The following ABAT variants were observed in gnomAD, a reference collection of about 807,000 sequenced individuals.
The protein encoded by ABAT is 4-aminobutyrate aminotransferase, mitochondrial.
Under a neutral mutation model 64.6 loss-of-function variants are expected in ABAT, and 45 were observed. That is an observed-to-expected ratio of 0.70 (90% CI 0.55 to 0.89). The LOEUF (loss-of-function observed/expected upper bound fraction) is 0.89, where lower values mean the gene tolerates loss of function less well. ABAT is among the 40% of genes least tolerant of loss of function. The probability of loss-of-function intolerance (pLI) is 0.00; values close to 1 mark genes in which losing one functional copy is unlikely to be tolerated. For synonymous variants in ABAT, 297 were observed against 250.5 expected (o/e 1.19, Z -1.75); for missense variants, 633 against 658.4 (o/e 0.96, Z 0.42).
At chr16:8,766,119 G>C (rs2059935043) in intron 8 of ABAT, 89 bp from the exon 9 acceptor site, 2 of 1,270,600 alleles carry the variant, frequency 1.6e-6, no homozygotes, top group Non-Finnish European at 2.3e-6. Flanking sequence ...CTTTCTACTT[G>C]TCTGGACTGA....
At chr16:8,735,836 C>G (rs754221172) in intron 2 of ABAT, 27 bp downstream of exon 2, 2 of 1,571,140 alleles carry the variant, frequency 1.3e-6, no homozygotes, top group African/African-American at 2.7e-5. Context: ...TTGATAAGAA[C>G]TGGTACTAAT....
chr16:8,750,568 A>G lies in ABAT; in HGVS notation c.316+29A>G, dbSNP rs74008052. 117 of 1,593,540 alleles carry G rather than the reference A, an allele frequency of 7.3e-5. No individual in the cohort carries two copies. The African/African-American group carries it at 1.3e-3, about 18-fold the overall frequency. ...AGAGCTGGGAAATCATTCCTTGGAT[A>G]TAACCTCTGTTTCTGTCTCTCCTAG... On this transcript the variant is annotated intron_variant, in intron 5 of 15. Transcript: ENST00000268251.
intron 9 of ABAT, 89 bp downstream of exon 9, chr16:8,766,359 A>T: frequency 7.4e-7 from 1 of 1,344,124 alleles, no homozygotes. Context: ...ACTGTCCTCA[A>T]TTAGGAAGGG....
At chr16:8,733,051 TG>T (rs2058790406) in intron 1 of ABAT, among the ~76,000 whole-genome samples, 1 of 130,744 alleles carries the variant, frequency 7.6e-6, no homozygotes, top group African/African-American at 3.3e-5. Context: ...CCCTCCCGGA[TG>T]GGGCGGCTGG....
chr16:8,710,963 C>T lies in ABAT; in HGVS notation c.-41-24736C>T, dbSNP rs76044665. Among the ~76,000 whole-genome samples the T allele has an allele frequency of 4.3e-3, 662 of 152,310 alleles. 7 individuals carry two copies. The highest frequency in any genetic ancestry group is 0.015 in the African/African-American group (642 of 41,558). On this transcript the variant is annotated intron_variant, in intron 1 of 15. Coordinates refer to ENST00000268251, the MANE Select transcript of ABAT (RefSeq NM_020686.6). ...CACTTTCCCATATCAGTACATAAAG[C>T]GCCATCGCATTCTTTTTGTTGAATG...
Position 8,776,247 on chromosome 16 carries a change from TCTC to T in ABAT, c.1123-93_1123-91del. 3 of 1,537,330 alleles carry T rather than the reference TCTC, an allele frequency of 2.0e-6. No homozygotes were observed. Among genetic ancestry groups the T allele is most frequent in the Non-Finnish European group, 2.7e-6 (3 of 1,116,924 alleles). On this transcript the variant is annotated intron_variant, in intron 13 of 15. Coordinates refer to ENST00000268251, the MANE Select transcript of ABAT (RefSeq NM_020686.6). The surrounding 1 kb of genome is among the most constrained non-coding windows in gnomAD (Gnocchi z 4.4). ...GGTAGATGCCCACTAGATTAGTTTC[TCTC>T]CTCTTCAAGAGAGGAGGCGGGGCGC...
intron 1 of ABAT, among the ~76,000 whole-genome samples, chr16:8,721,811 A>G (rs2058379772): frequency 6.6e-6 from 1 of 152,156 alleles, no homozygotes. Context: ...CCCGCAATGC[A>G]CCAGACACAC....
At chr16:8,736,878 C>G (rs1254040670) in intron 2 of ABAT, 1 of 152,200 alleles carries the variant, frequency 6.6e-6, no homozygotes, top group Admixed American at 6.5e-5. Context: ...GACAGAGCCG[C>G]CAGCAGGAGC....
intron 2 of ABAT, among the ~76,000 whole-genome samples, chr16:8,745,139 C>T (rs550301147): frequency 1.1e-4 from 17 of 152,146 alleles, no homozygotes; most frequent in Admixed American, 3.9e-4. Flanking sequence ...TGTACCACCA[C>T]GCCCAGCTAA....
intron 1 of ABAT, among the ~76,000 whole-genome samples, chr16:8,681,681 G>GC (rs1460708930): frequency 7.2e-6 from 1 of 138,618 alleles, no homozygotes; most frequent in South Asian, 2.3e-4. Flanking sequence ...TTGCTCTGTT[G>GC]CCCAGGCTGG....
chr16:8,705,940 A>T (rs1019269807), intron 1 of ABAT, among the ~76,000 whole-genome samples: 2 of 152,162 alleles, frequency 1.3e-5, no homozygotes, highest in African/African-American at 4.8e-5. Context: ...GAATCGCAAC[A>T]ATTTGTTTTA....
intron 5 of ABAT, among the ~76,000 whole-genome samples, chr16:8,754,191 A>AAG (rs1471687152): frequency 6.8e-6 from 1 of 146,850 alleles, no homozygotes; most frequent in African/African-American, 2.5e-5. Flanking sequence ...AAAAAAAAAA[A>AAG]AAAAAAAAAA....
At chr16:8,698,276 A>G (rs944410433) in intron 1 of ABAT, among the ~76,000 whole-genome samples, 1 of 151,164 alleles carries the variant, frequency 6.6e-6, no homozygotes, top group Non-Finnish European at 1.5e-5. Flanking sequence ...GAGAGATCAC[A>G]TTTTGTTTAT....
intron 5 of ABAT, among the ~76,000 whole-genome samples, chr16:8,753,891 C>A (rs2059563845): frequency 6.6e-6 from 1 of 152,072 alleles, no homozygotes; most frequent in Non-Finnish European, 1.5e-5. Context: ...AGCAGAAAGT[C>A]TCCCCTGGGT....
In ABAT at chr16:8,783,866, A is replaced by G. The variant is rs1182136235; in HGVS notation, c.*2436A>G. 2.6e-5 allele frequency: 4 copies of G among 152,212 alleles called. No homozygotes were observed. The highest frequency in any genetic ancestry group is 1.3e-4 in the Admixed American group (2 of 15,264). The allele number at this position is 152,212 out of a possible 1,614,324, so 9.4% of individuals were successfully genotyped here. A position where few individuals can be genotyped will look rare whatever the true frequency, so the allele number is the denominator to read the frequency against. ...AATAGTTTTATCTGGAAAATTCCAGAGCTATTATTTACTCCTTACCAAGGG... is the reference window on the plus strand; with the variant it reads ...AATAGTTTTATCTGGAAAATTCCAGGGCTATTATTTACTCCTTACCAAGGG... On this transcript the variant is annotated 3_prime_UTR_variant, in exon 16 of 16. Transcript: ENST00000268251.
chr16:8,685,516 A>C (rs1369121550), intron 1 of ABAT, among the ~76,000 whole-genome samples: 3 of 119,844 alleles, frequency 2.5e-5, no homozygotes, highest in South Asian at 2.3e-4. Flanking sequence ...CTAAAAATAC[A>C]AAAAAAAAAA....
At chr16:8,686,383 GGACAGGTTCC>G (rs1342749333) in intron 1 of ABAT, among the ~76,000 whole-genome samples, 1 of 152,212 alleles carries the variant, frequency 6.6e-6, no homozygotes, top group East Asian at 1.9e-4. Context: ...TCTGACCTGG[GGACAGGTTCC>G]AGGAGGGATT....
intron 15 of ABAT, among the ~76,000 whole-genome samples, chr16:8,779,985 C>A (rs1382344217): frequency 6.6e-6 from 1 of 152,164 alleles, no homozygotes; most frequent in Non-Finnish European, 1.5e-5. Context: ...CAGATAGCTG[C>A]AGCAGTTGGT....
intron 1 of ABAT, among the ~76,000 whole-genome samples, chr16:8,691,243 G>A (rs1448189921): frequency 1.3e-5 from 2 of 152,122 alleles, no homozygotes; most frequent in African/African-American, 4.8e-5. Flanking sequence ...CTTTGATGTG[G>A]TTTCAAACCC....
Sources: gnomAD v4.1 joint callset for allele counts (sites outside exome capture counted in the v4.1 genomes callset) on GRCh38, gnomAD v4.1.1 for gene constraint, Gnocchi (gnomAD v3.1) non-coding constraint, MANE v1.5 for transcripts, NCBI Gene and HGNC (gene_info 2026-07-23, HGNC 2026-07-21) for gene names.